The following CDKL1 variants were observed in gnomAD, a reference collection of about 807,000 sequenced individuals.
CDKL1 encodes cyclin dependent kinase like 1.
Under a neutral mutation model 42.0 loss-of-function variants are expected in CDKL1, and 41 were observed. The observed-to-expected ratio is 0.98, with a 90% confidence interval of 0.76 to 1.27. The LOEUF is 1.27. Ranked by LOEUF, CDKL1 falls within the 50% of genes most tolerant of loss-of-function variation. The pLI, the probability that CDKL1 is intolerant of heterozygous loss-of-function variation, is 0.00. For missense variants in CDKL1, 394 were observed against 428.4 expected (o/e 0.92, Z 0.71); for synonymous variants, 153 against 158.6 (o/e 0.96, Z 0.26).
intron 2 of CDKL1, among the ~76,000 whole-genome samples, chr14:50,381,254 T>C (rs940214800): frequency 1.3e-5 from 2 of 152,158 alleles, no homozygotes; most frequent in African/African-American, 4.8e-5. Flanking sequence ...TGGGACTTGG[T>C]AGAGTGAGCA....
At chr14:50,336,143 G>A (rs2033261364) in intron 7 of CDKL1, 2 of 1,365,210 alleles carry the variant, frequency 1.5e-6, no homozygotes, top group Non-Finnish European at 9.8e-7. Context: ...GTGATACGCT[G>A]GAGCCCATCT....
intron 2 of CDKL1, among the ~76,000 whole-genome samples, chr14:50,384,406 C>G (rs1280160259): frequency 6.6e-6 from 1 of 152,186 alleles, no homozygotes; most frequent in Non-Finnish European, 1.5e-5. Context: ...CTAAAAGGAA[C>G]CAGGGGTCTC....
At chr14:50,359,658 G>A (rs948816654) in intron 2 of CDKL1, among the ~76,000 whole-genome samples, 50 of 152,054 alleles carry the variant, frequency 3.3e-4, no homozygotes, top group African/African-American at 1.1e-3. Context: ...TAGAATATAC[G>A]AACGACGGCA....
chr14:50,344,357 T>C (rs1203017364), intron 4 of CDKL1, among the ~76,000 whole-genome samples: 1 of 152,212 alleles, frequency 6.6e-6, no homozygotes, highest in Non-Finnish European at 1.5e-5. Flanking sequence ...CCCAATTTCA[T>C]AGCCTTTTGG....
chr14:50,369,790 T>C (rs1306586267), intron 2 of CDKL1, among the ~76,000 whole-genome samples: 5 of 151,668 alleles, frequency 3.3e-5, no homozygotes, highest in Non-Finnish European at 7.4e-5. Flanking sequence ...AACTAATTTC[T>C]GTATTTTTAG....
intron 7 of CDKL1, 68 bp from the exon 8 acceptor site, chr14:50,334,689 C>G (rs1014489072): frequency 1.0e-6 from 1 of 989,812 alleles, no homozygotes; most frequent in Non-Finnish European, 1.6e-6. Flanking sequence ...CAAATTAAAT[C>G]TTTTGATAGA....
chr14:50,343,154 A>ATTTT (rs1595281795), intron 4 of CDKL1: 33 of 265,226 alleles, frequency 1.2e-4, no homozygotes, highest in East Asian at 3.0e-4. Flanking sequence ...ATTAAGAGTT[A>ATTTT]CTTTTTTTTT....
intron 8 of CDKL1, chr14:50,332,876 T>C: frequency 2.2e-6 from 1 of 461,286 alleles, no homozygotes; most frequent in East Asian, 3.5e-5. Context: ...ACTGTAGGTG[T>C]TCCCTTCACC....
chr14:50,378,423 A>C, intron 2 of CDKL1: 1 of 1,366,438 alleles, frequency 7.3e-7, no homozygotes, highest in Non-Finnish European at 9.8e-7. Flanking sequence ...GATAGTAGTA[A>C]AATGTAAGGC....
At chr14:50,336,010 A>C (rs2033250651) in intron 7 of CDKL1, 1 of 1,366,412 alleles carries the variant, frequency 7.3e-7, no homozygotes, top group Non-Finnish European at 9.8e-7. Flanking sequence ...CCATAGCTTA[A>C]ATATTTCTCT....
chr14:50,381,934 G>A (rs1323474790), intron 2 of CDKL1, among the ~76,000 whole-genome samples: 1 of 152,028 alleles, frequency 6.6e-6, no homozygotes, highest in East Asian at 1.9e-4. Context: ...CACTGTGCCT[G>A]GCCAGTTTAG....
At chr14:50,362,601 G>C (rs1048595258) in intron 2 of CDKL1, among the ~76,000 whole-genome samples, 3 of 152,036 alleles carry the variant, frequency 2.0e-5, no homozygotes, top group African/African-American at 7.2e-5. Context: ...TCTAGCTCAG[G>C]GTTTGTGAAT....
At chr14:50,374,434 T>C (rs1301521376) in intron 2 of CDKL1, among the ~76,000 whole-genome samples, 2 of 152,228 alleles carry the variant, frequency 1.3e-5, no homozygotes, top group Non-Finnish European at 2.9e-5. Context: ...TAAAAAATCA[T>C]GTAGGAGGTT....
chr14:50,374,297 C>T (rs2034668084), intron 2 of CDKL1, among the ~76,000 whole-genome samples: 1 of 152,164 alleles, frequency 6.6e-6, no homozygotes, highest in Non-Finnish European at 1.5e-5. Context: ...GTGAAACACA[C>T]AGGATTTATT....
Position 50,332,395 on chromosome 14 carries a change from C to T in CDKL1, c.833G>A (p.Cys278Tyr). Residue 278 changes from cysteine (C) to tyrosine (Y), a missense_variant, in exon 9 of 10, where the codon TGT becomes TAT. Physicochemically the swap from Cys to Tyr is radical, Grantham distance 194. Coordinates refer to ENST00000395834, the MANE Select transcript of CDKL1 (RefSeq NM_004196.7). ...LHMDPTQRLT[C>Y]EQLLHHPYFE... is the part of the protein sequence containing the mutation. ...ATATGGGTGATGCAACAGCTGTTCA[C>T]ATGTCAGCCTTTGAGTAGGGTCCAT... is the stretch of plus-strand genomic sequence containing the variant. 1 of 1,614,098 alleles carries T rather than the reference C, an allele frequency of 6.2e-7. No homozygotes were observed. The highest frequency in any genetic ancestry group is 8.5e-7 in the Non-Finnish European group (1 of 1,180,004).
At chr14:50,359,233 T>C (rs909714852) in intron 2 of CDKL1, 84 bp from the exon 3 acceptor site, 16 of 1,474,836 alleles carry the variant, frequency 1.1e-5, no homozygotes, top group Non-Finnish European at 1.5e-5. Context: ...AAGTAAGTTG[T>C]TTGTCCTTTA....
rs1302906800 is a variant in CDKL1, at chr14:50,326,706, G to A, written c.*3368C>T. The A allele has an allele frequency of 4.3e-5, 42 of 985,286 alleles. No homozygotes were observed. Among genetic ancestry groups the A allele is most frequent in the Non-Finnish European group, 4.8e-5 (40 of 829,942 alleles). The allele number at this position is 985,286 out of a possible 1,614,324, so 61.0% of individuals were successfully genotyped here. ...AGATTGCAATATAATAAAGGAAACA[G>A]TAAAAACTAGTGGGCTATGCTTAGG... On this transcript the variant is annotated 3_prime_UTR_variant, in exon 10 of 10. Transcript: ENST00000395834.
Position 50,326,804 on chromosome 14 carries a change from G to T in CDKL1, c.*3270C>A, listed in dbSNP as rs1275048918. 6.3e-6 allele frequency: 6 copies of T among 956,720 alleles called. No homozygotes were observed. Among genetic ancestry groups the T allele is most frequent in the African/African-American group, 1.8e-5 (1 of 56,636 alleles). The allele number at this position is 956,720 out of a possible 1,614,324, so 59.3% of individuals were successfully genotyped here. A position where few individuals can be genotyped will look rare whatever the true frequency, so the allele number is the denominator to read the frequency against. On this transcript the variant is annotated 3_prime_UTR_variant, in exon 10 of 10. Coordinates refer to ENST00000395834, the MANE Select transcript of CDKL1 (RefSeq NM_004196.7). ...GCCTGTAATCCCAGTGCTTTGGGAG[G>T]CTGAGGTGGGAGGATCACTTGAGAC...
At chr14:50,347,571 G>A (rs899725968) in intron 3 of CDKL1, among the ~76,000 whole-genome samples, 1 of 152,192 alleles carries the variant, frequency 6.6e-6, no homozygotes, top group Non-Finnish European at 1.5e-5. Context: ...CAGGTTTTTA[G>A]CTTGAGTAAC....
Sources: allele counts gnomAD v4.1 joint callset (sites outside exome capture counted in the v4.1 genomes callset), GRCh38; gene constraint gnomAD v4.1.1; transcripts MANE v1.5; gene names NCBI Gene and HGNC (gene_info 2026-07-23, HGNC 2026-07-21).